PARD3: variants seen among roughly 807,000 people sequenced by gnomAD.
The protein encoded by PARD3 is partitioning defective 3 homolog.
PARD3 carries 75 observed loss-of-function variants against 155.4 expected under a neutral mutation model. The observed-to-expected ratio is 0.48, with a 90% CI of 0.40 to 0.58. The LOEUF is 0.58. Ranked by LOEUF, PARD3 falls within the 20% of genes least tolerant of loss-of-function variation. The pLI, the probability that PARD3 is intolerant of heterozygous loss-of-function variation, is 0.00. For synonymous variants in PARD3, 576 were observed against 610.5 expected, an observed-to-expected ratio of 0.94 and a Z score of 0.83; for missense variants, 1,642 against 1,721.7, an observed-to-expected ratio of 0.95 and a Z score of 0.82.
chr10:34,286,051 A>G (rs1956373020), intron 20 of PARD3, among the ~76,000 whole-genome samples: 1 of 152,240 alleles, frequency 6.6e-6, no homozygotes, highest in Non-Finnish European at 1.5e-5. Flanking sequence ...ATGCATTTAA[A>G]ACTAATAAAT....
chr10:34,748,221 G>A (rs1030815745), intron 1 of PARD3, among the ~76,000 whole-genome samples: 5 of 152,308 alleles, frequency 3.3e-5, no homozygotes, highest in Non-Finnish European at 7.3e-5. Flanking sequence ...TGTAATCCCA[G>A]CACTTTGGGA....
chr10:34,616,922 A>G (rs1013781483), intron 2 of PARD3, among the ~76,000 whole-genome samples: 1 of 138,404 alleles, frequency 7.2e-6, no homozygotes, highest in Admixed American at 7.2e-5. Context: ...GCAACAGAGC[A>G]CCTGTCTCAA....
chr10:34,431,536 T>C (rs2075900014), intron 5 of PARD3, among the ~76,000 whole-genome samples: 1 of 150,290 alleles, frequency 6.7e-6, no homozygotes, highest in Non-Finnish European at 1.5e-5. Flanking sequence ...ATGTCAGGAG[T>C]TCAAGACCAG....
intron 1 of PARD3, among the ~76,000 whole-genome samples, chr10:34,759,762 T>C (rs1352392897): frequency 6.6e-6 from 1 of 152,204 alleles, no homozygotes; most frequent in Non-Finnish European, 1.5e-5. Flanking sequence ...TGAAGAGGAT[T>C]CTTGAATAAA....
chr10:34,722,641 C>T (rs765087587), intron 1 of PARD3, among the ~76,000 whole-genome samples: 1 of 152,182 alleles, frequency 6.6e-6, no homozygotes, highest in Non-Finnish European at 1.5e-5. Flanking sequence ...ACTTGCCCCA[C>T]AATCTTCTTG....
intron 20 of PARD3, chr10:34,312,457 TC>T: frequency 7.0e-7 from 1 of 1,423,488 alleles, no homozygotes; most frequent in Admixed American, 1.7e-5. Flanking sequence ...TTTGTTCTTT[TC>T]TCAAATGCCT....
rs767562013 is a variant in PARD3 at position 34,348,095 on chromosome 10, G to A, written c.2088C>T (p.Pro696=). Residue 696 remains proline (P), a synonymous_variant, in exon 15 of 25, where the codon CCC becomes CCT. Coordinates refer to ENST00000374788, the MANE Select transcript of PARD3 (RefSeq NM_001184785.2). ...KCNELKSPGS[P]PGPELPIETA... Reference sequence around the variant, plus strand: ...TTTCAATGGGCAGCTCAGGTCCAGGGGGGCTCCCAGGTGACTTCAGCTACA... The same window carrying A: ...TTTCAATGGGCAGCTCAGGTCCAGGAGGGCTCCCAGGTGACTTCAGCTACA... 1 of 1,609,826 alleles carries A rather than the reference G, an allele frequency of 6.2e-7. No homozygotes were observed. Among genetic ancestry groups the A allele is most frequent in the Admixed American group, 1.7e-5 (1 of 59,528 alleles).
intron 4 of PARD3, among the ~76,000 whole-genome samples, chr10:34,460,233 C>A (rs1401278450): frequency 6.6e-6 from 1 of 152,118 alleles, no homozygotes; most frequent in African/African-American, 2.4e-5. Context: ...CCATTCATGG[C>A]TAAAAACTAC....
intron 2 of PARD3, among the ~76,000 whole-genome samples, chr10:34,648,120 T>C (rs1412708536): frequency 2.0e-5 from 3 of 152,252 alleles, no homozygotes; most frequent in African/African-American, 7.2e-5. Context: ...GTCTGAGGAC[T>C]GCATTTGATT....
At chr10:34,487,070 G>T (rs751717101) in intron 3 of PARD3, among the ~76,000 whole-genome samples, 1 of 151,928 alleles carries the variant, frequency 6.6e-6, no homozygotes, top group Admixed American at 6.6e-5. Flanking sequence ...TGGGGCACAA[G>T]ACCATTTTTG....
chr10:34,151,646 T>C (rs1466757220), intron 22 of PARD3, among the ~76,000 whole-genome samples: 1 of 152,060 alleles, frequency 6.6e-6, no homozygotes, highest in Non-Finnish European at 1.5e-5. Context: ...TTATAAAGGG[T>C]TGAAAAGCTT....
chr10:34,535,757 T>G (rs2083182482), intron 2 of PARD3, among the ~76,000 whole-genome samples: 1 of 151,826 alleles, frequency 6.6e-6, no homozygotes, highest in South Asian at 2.1e-4. Context: ...ATTACAGGCG[T>G]GAGCCACCCT....
At chr10:34,239,988 T>G (rs979968839) in intron 22 of PARD3, among the ~76,000 whole-genome samples, 5 of 152,132 alleles carry the variant, frequency 3.3e-5, no homozygotes, top group Admixed American at 1.3e-4. Flanking sequence ...AGTAGGAAAT[T>G]GGATAAACAG....
At chr10:34,262,404 C>T (rs1269625798) in intron 22 of PARD3, among the ~76,000 whole-genome samples, 2 of 152,108 alleles carry the variant, frequency 1.3e-5, no homozygotes, top group Non-Finnish European at 2.9e-5. Flanking sequence ...GTAGCTGGGA[C>T]TATAGGTGTG....
At chr10:34,377,164 T>C (rs1301862517) in intron 10 of PARD3, among the ~76,000 whole-genome samples, 1 of 152,250 alleles carries the variant, frequency 6.6e-6, no homozygotes, top group Admixed American at 6.5e-5. Context: ...GGAACACTGT[T>C]TTCATTTATT....
chr10:34,659,656 T>C (rs114671286), intron 2 of PARD3, among the ~76,000 whole-genome samples: 1,797 of 152,296 alleles, frequency 0.012, 47 homozygotes, highest in African/African-American at 0.04. Flanking sequence ...TGTGAATCAA[T>C]TTACATTTTT....
chr10:34,306,756 G>A (rs1957430951), intron 20 of PARD3, among the ~76,000 whole-genome samples: 1 of 152,206 alleles, frequency 6.6e-6, no homozygotes, highest in Admixed American at 6.5e-5. Flanking sequence ...CGTATACAAA[G>A]GCAGAGACGG....
intron 2 of PARD3, among the ~76,000 whole-genome samples, chr10:34,671,616 C>T (rs1466254463): frequency 6.6e-6 from 1 of 151,992 alleles, no homozygotes; most frequent in Non-Finnish European, 1.5e-5. Flanking sequence ...TACAAGGCTA[C>T]AAGATAAATT....
At chr10:34,703,616 CAT>C (rs1433143718) in intron 1 of PARD3, among the ~76,000 whole-genome samples, 2 of 152,104 alleles carry the variant, frequency 1.3e-5, no homozygotes, top group African/African-American at 4.8e-5. Flanking sequence ...CCCAAAATGA[CAT>C]ATGTTTCCAC....
Sources: gnomAD v4.1 joint callset for allele counts (sites outside exome capture counted in the v4.1 genomes callset) on GRCh38, gnomAD v4.1.1 for gene constraint, MANE v1.5 for transcripts, NCBI Gene and HGNC (gene_info 2026-07-23, HGNC 2026-07-21) for gene names.